The following TANK variants were observed in gnomAD, a reference collection of about 807,000 sequenced individuals.
The protein encoded by TANK is TRAF family member-associated NF-kappa-B activator.
A neutral mutation model predicts 43.6 loss-of-function variants in TANK; 15 were observed. The observed-to-expected ratio is 0.34, with a 90% CI of 0.23 to 0.53. The LOEUF is 0.53. TANK is among the 20% of genes least tolerant of loss of function. The probability of loss-of-function intolerance (pLI) is 0.94; values close to 1 mark genes in which losing one functional copy is unlikely to be tolerated. For synonymous variants in TANK, 162 were observed against 178.2 expected (o/e 0.91, Z 0.73); for missense variants, 417 against 498.6 (o/e 0.84, Z 1.56).
chr2:161,167,572 G>C (rs1298067839), intron 1 of TANK, among the ~76,000 whole-genome samples: 1 of 152,096 alleles, frequency 6.6e-6, no homozygotes, highest in East Asian at 1.9e-4. Flanking sequence ...GGTTGCCTTG[G>C]GGGGTTGCTC....
intron 4 of TANK, among the ~76,000 whole-genome samples, chr2:161,217,446 C>G (rs1222800539): frequency 1.3e-5 from 2 of 152,072 alleles, no homozygotes; most frequent in African/African-American, 4.8e-5. Context: ...CACTACTGTG[C>G]CTCTACTGCA....
intron 7 of TANK, among the ~76,000 whole-genome samples, chr2:161,234,155 G>A (rs2105181609): frequency 6.6e-6 from 1 of 152,286 alleles, no homozygotes. Context: ...CTGTTCATAA[G>A]AAGACAGTGA....
chr2:161,160,425 GTCAC>G, exon 1 of TANK: 1 of 1,241,040 alleles, frequency 8.1e-7, no homozygotes, highest in East Asian at 3.1e-5. Flanking sequence ...TCCGGTTGGA[GTCAC>G]TCGGCCAGGC....
intron 2 of TANK, among the ~76,000 whole-genome samples, chr2:161,185,021 A>T (rs1685591842): frequency 6.6e-6 from 1 of 152,184 alleles, no homozygotes; most frequent in Non-Finnish European, 1.5e-5. Context: ...GAAGGGAAGA[A>T]GATCAGTCAC....
intron 4 of TANK, among the ~76,000 whole-genome samples, chr2:161,218,514 A>G (rs779377387): frequency 2.6e-5 from 4 of 152,164 alleles, no homozygotes; most frequent in African/African-American, 7.2e-5. Flanking sequence ...TAAAAATCAT[A>G]ATTAAATACG....
intron 1 of TANK, among the ~76,000 whole-genome samples, chr2:161,143,751 ATCACAG>A (rs1683820175): frequency 2.0e-5 from 3 of 152,154 alleles, no homozygotes; most frequent in African/African-American, 7.2e-5. Flanking sequence ...ACTGATGTTC[ATCACAG>A]ATATTGGCCT....
chr2:161,231,345 G>A lies in TANK; in HGVS notation c.895G>A (p.Ala299Thr). The change falls in exon 7 of 8, where the codon GCT (alanine) becomes ACT (threonine). Residue 299 changes from alanine (A) to threonine (T), a missense_variant. By Grantham distance (58) the Ala-to-Thr change is moderately conservative. Coordinates refer to ENST00000392749, the MANE Select transcript of TANK (RefSeq NM_001199135.3). ...TCAGGGAATTGACCCCATAGCTTCA[G>A]CTATACAAAACCTTAAAACAACTGA... The part of the protein sequence containing the change: ...EIQGIDPIAS[A>T]IQNLKTTDKT... 3 of 1,614,172 alleles carry A rather than the reference G, an allele frequency of 1.9e-6. No homozygotes were observed. Among genetic ancestry groups the A allele is most frequent in the South Asian group, 1.1e-5 (1 of 91,090 alleles).
chr2:161,189,882 T>G (rs534280692), intron 2 of TANK, among the ~76,000 whole-genome samples: 4 of 152,240 alleles, frequency 2.6e-5, no homozygotes, highest in African/African-American at 9.6e-5. Flanking sequence ...ATGAAAGACT[T>G]AGAAGAAATC....
At chr2:161,167,862 G>C (rs1233357534) in intron 1 of TANK, among the ~76,000 whole-genome samples, 1 of 152,044 alleles carries the variant, frequency 6.6e-6, no homozygotes, top group Non-Finnish European at 1.5e-5. Context: ...CTGACCTTGT[G>C]ATACGCTCGC....
chr2:161,234,789 A>G (rs1046183022), intron 7 of TANK, among the ~76,000 whole-genome samples: 19 of 152,368 alleles, frequency 1.2e-4, no homozygotes, highest in African/African-American at 4.1e-4. Context: ...CATCAGTGAA[A>G]TTTGTTCAGT....
intron 1 of TANK, among the ~76,000 whole-genome samples, chr2:161,155,260 A>T (rs1008589525): frequency 4.6e-5 from 7 of 152,108 alleles, no homozygotes; most frequent in Admixed American, 2.6e-4. Flanking sequence ...GAAAGTTGTG[A>T]CCATATTATT....
chr2:161,233,004 A>G (rs1574079488), intron 7 of TANK: 1 of 803,602 alleles, frequency 1.2e-6, no homozygotes, highest in Non-Finnish European at 1.9e-6. Context: ...AGTTTTTTAA[A>G]AAAAACCTTT....
chr2:161,234,021 A>G (rs896751337), intron 7 of TANK, among the ~76,000 whole-genome samples: 1 of 152,202 alleles, frequency 6.6e-6, no homozygotes, highest in African/African-American at 2.4e-5. Flanking sequence ...AATAAAATTG[A>G]CATTTCTTAT....
At chr2:161,183,829 C>A (rs914047360) in intron 2 of TANK, among the ~76,000 whole-genome samples, 8 of 151,634 alleles carry the variant, frequency 5.3e-5, no homozygotes, top group Non-Finnish European at 1.0e-4. Flanking sequence ...AATAAAATAT[C>A]ATTTATATCA....
chr2:161,183,996 A>G (rs938371291), intron 2 of TANK, among the ~76,000 whole-genome samples: 1 of 152,138 alleles, frequency 6.6e-6, no homozygotes, highest in African/African-American at 2.4e-5. Context: ...CACTTGGTCT[A>G]TGAGAATCAG....
chr2:161,156,294 TG>T (rs1185013449), upstream of TANK: 4 of 985,360 alleles, frequency 4.1e-6, no homozygotes, highest in Non-Finnish European at 4.8e-6. Flanking sequence ...TCTTTGATTA[TG>T]TCCAAATTAT....
intron 1 of TANK, among the ~76,000 whole-genome samples, chr2:161,165,961 A>G (rs1273441582): frequency 6.6e-6 from 1 of 152,254 alleles, no homozygotes; most frequent in East Asian, 1.9e-4. Context: ...TTTGATAAAT[A>G]GTCTCAGAGA....
intron 2 of TANK, among the ~76,000 whole-genome samples, chr2:161,184,426 G>T (rs1272510787): frequency 1.3e-5 from 2 of 152,062 alleles, no homozygotes; most frequent in African/African-American, 4.8e-5. Flanking sequence ...TTTAATATAT[G>T]TATTGATATA....
At chr2:161,235,231 G>C in intron 7 of TANK, 111 bp from the exon 8 acceptor site, 2 of 900,006 alleles carry the variant, frequency 2.2e-6, no homozygotes, top group South Asian at 2.3e-5. Context: ...TTTTATATTA[G>C]GGAATTCAAT....
Sources: allele counts gnomAD v4.1 joint callset (sites outside exome capture counted in the v4.1 genomes callset), GRCh38; gene constraint gnomAD v4.1.1; transcripts MANE v1.5; gene names NCBI Gene and HGNC (gene_info 2026-07-23, HGNC 2026-07-21).